Variants in SBF2 observed in about 807,000 individuals in gnomAD.
The protein encoded by SBF2 is myotubularin-related protein 13.
Under a neutral mutation model 225.2 loss-of-function variants are expected in SBF2, and 112 were observed. The observed-to-expected ratio is 0.50, with a 90% CI of 0.43 to 0.58. The LOEUF is 0.58. Ranked by LOEUF, SBF2 falls within the 20% of genes least tolerant of loss-of-function variation. SBF2 has a pLI of 0.00. For missense variants in SBF2, 1,996 were observed against 2,206.2 expected (o/e 0.90, Z 1.91); for synonymous variants, 763 against 773.3 (o/e 0.99, Z 0.22).
At chr11:10,074,241 T>C (rs1951008306) in intron 2 of SBF2, among the ~76,000 whole-genome samples, 1 of 152,216 alleles carries the variant, frequency 6.6e-6, no homozygotes, top group Admixed American at 6.5e-5. Context: ...AATTTTTCTA[T>C]GTTTTTAACA....
At chr11:9,781,957 G>T (rs1055747778) in intron 38 of SBF2, among the ~76,000 whole-genome samples, 2 of 152,044 alleles carry the variant, frequency 1.3e-5, no homozygotes, top group Non-Finnish European at 2.9e-5. Context: ...GGTGAAGGTG[G>T]ACGGATCACT....
At chr11:9,957,486 T>G (rs1176007555) in intron 16 of SBF2, 1 of 151,938 alleles carries the variant, frequency 6.6e-6, no homozygotes, top group African/African-American at 2.4e-5. Context: ...TTGAGACAGA[T>G]TCTTGCTCTG....
chr11:10,298,976 A>G (rs922189487), upstream of SBF2, among the ~76,000 whole-genome samples: 1 of 152,194 alleles, frequency 6.6e-6, no homozygotes, highest in Non-Finnish European at 1.5e-5. Context: ...TTAAATTTGT[A>G]TAGCAAACAC....
In SBF2 at chr11:10,220,618, T is replaced by C. The variant is rs531511973; in HGVS notation, c.56-26631A>G. ...TGCTACCAAAATAATCATTCTAACA[T>C]GCAAATTTGAAATCATACTCACATT... On this transcript the variant is annotated intron_variant, in intron 1 of 39. Transcript: ENST00000256190. Among the ~76,000 whole-genome samples, 6 of 152,292 alleles carry C rather than the reference T, an allele frequency of 3.9e-5. No individual in the cohort carries two copies. In the South Asian group the frequency reaches 1.2e-3, roughly 32 times the overall value.
intron 17 of SBF2, among the ~76,000 whole-genome samples, chr11:9,879,315 T>C (rs919875524): frequency 3.9e-5 from 6 of 152,240 alleles, no homozygotes; most frequent in African/African-American, 1.2e-4. Flanking sequence ...TATTCACGAG[T>C]CATGAGTTTT....
chr11:10,138,814 A>T (rs981352757), intron 2 of SBF2, among the ~76,000 whole-genome samples: 7 of 152,154 alleles, frequency 4.6e-5, no homozygotes, highest in Non-Finnish European at 1.0e-4. Flanking sequence ...TTTCAAATTT[A>T]AAAAAATTTT....
intron 2 of SBF2, among the ~76,000 whole-genome samples, chr11:10,179,210 G>A (rs151175883): frequency 5.2e-4 from 79 of 151,392 alleles, no homozygotes; most frequent in Admixed American, 1.8e-3. Flanking sequence ...GGGGGGAGGC[G>A]GGAGGGATAG....
intron 13 of SBF2, among the ~76,000 whole-genome samples, chr11:9,968,943 C>A (rs779624140): frequency 2.2e-4 from 33 of 152,142 alleles, no homozygotes; most frequent in Non-Finnish European, 4.3e-4. Context: ...CAACAATTCA[C>A]AAGTTTTTTT....
chr11:10,168,810 A>G (rs144363092), intron 2 of SBF2, among the ~76,000 whole-genome samples: 202 of 152,302 alleles, frequency 1.3e-3, no homozygotes, highest in African/African-American at 4.4e-3. Context: ...CTTTTTATCA[A>G]AGCTCAGAAG....
intron 2 of SBF2, among the ~76,000 whole-genome samples, chr11:10,072,193 C>A (rs1950908640): frequency 6.6e-6 from 1 of 152,158 alleles, no homozygotes; most frequent in African/African-American, 2.4e-5. Flanking sequence ...CTAATTTTGA[C>A]TTTTAACCAA....
intron 2 of SBF2, among the ~76,000 whole-genome samples, chr11:10,108,687 G>C (rs1330611564): frequency 6.6e-6 from 1 of 151,726 alleles, no homozygotes; most frequent in African/African-American, 2.4e-5. Context: ...ACCACGCCCG[G>C]CTAATTTTTT....
intron 1 of SBF2, among the ~76,000 whole-genome samples, chr11:10,198,283 T>C (rs1328526121): frequency 6.6e-6 from 1 of 152,230 alleles, no homozygotes; most frequent in Non-Finnish European, 1.5e-5. Context: ...TTAGCAGGCA[T>C]GAAAACAACA....
chr11:10,072,651 T>G (rs1950928985), intron 2 of SBF2, among the ~76,000 whole-genome samples: 1 of 151,924 alleles, frequency 6.6e-6, no homozygotes, highest in Non-Finnish European at 1.5e-5. Context: ...GAAGGAATGC[T>G]ATCATTTGGG....
intron 2 of SBF2, among the ~76,000 whole-genome samples, chr11:10,119,397 C>T (rs555897893): frequency 2.1e-4 from 32 of 152,218 alleles, no homozygotes; most frequent in African/African-American, 6.7e-4. Context: ...ACAATAAAGG[C>T]ATAAGCAACA....
chr11:10,212,937 T>C (rs539989356), intron 1 of SBF2, among the ~76,000 whole-genome samples: 138 of 152,092 alleles, frequency 9.1e-4, no homozygotes, highest in African/African-American at 3.2e-3. Flanking sequence ...TAGTCCCAGC[T>C]ATTCAGGAGG....
At position 9,808,882 on chromosome 11, in the gene SBF2, AAT is replaced by A. The variant is rs746855993; in HGVS notation, c.4257+17_4257+18del. 1.3e-6 allele frequency: 2 copies of A among 1,534,782 alleles called. No homozygotes were observed. The highest frequency in any genetic ancestry group is 9.0e-7 in the Non-Finnish European group (1 of 1,109,228). ...GAAATATAAATATAAAATATCAAAA[AAT>A]ATGTCTAATAGTTTACTTGTGCAGT... is the stretch of plus-strand genomic sequence containing the variant. On this transcript the variant is annotated intron_variant, in intron 31 of 39. Transcript: ENST00000256190.
intron 2 of SBF2, among the ~76,000 whole-genome samples, chr11:10,157,987 A>G (rs181994010): frequency 1.5e-3 from 223 of 152,334 alleles, no homozygotes; most frequent in Non-Finnish European, 2.5e-3. Flanking sequence ...TCATAGCAAG[A>G]ATATTTTCTA....
chr11:10,130,670 C>G (rs1455582886), intron 2 of SBF2, among the ~76,000 whole-genome samples: 1 of 152,164 alleles, frequency 6.6e-6, no homozygotes, highest in African/African-American at 2.4e-5. Context: ...CTTCCTCATG[C>G]TACACTTTTA....
intron 16 of SBF2, among the ~76,000 whole-genome samples, chr11:9,898,170 G>C (rs961613705): frequency 6.6e-6 from 1 of 152,094 alleles, no homozygotes; most frequent in South Asian, 2.1e-4. Flanking sequence ...GGAGGGCGTA[G>C]TACTGCCCTG....
Sources: allele counts gnomAD v4.1 joint callset (sites outside exome capture counted in the v4.1 genomes callset), GRCh38; gene constraint gnomAD v4.1.1; transcripts MANE v1.5; gene names NCBI Gene and HGNC (gene_info 2026-07-23, HGNC 2026-07-21).